Variants in ATXN7L1 observed in about 807,000 individuals in gnomAD.
ATXN7L1 encodes ataxin 7 like 1, also known as ataxin-7-like protein 1.
A neutral mutation model predicts 70.8 loss-of-function variants in ATXN7L1; 15 were observed. That is an observed-to-expected ratio of 0.21 (90% CI 0.14 to 0.33). The LOEUF (loss-of-function observed/expected upper bound fraction) is 0.33. Among genes scored for constraint, ATXN7L1 ranks in the 10% least tolerant of loss-of-function variants. ATXN7L1 has a pLI of 1.00. For missense variants in ATXN7L1, 975 were observed against 1,097.1 expected (o/e 0.89, Z 1.57); for synonymous variants, 440 against 445.1 (o/e 0.99, Z 0.14).
At chr7:105,710,785 G>T (rs1366047335) in intron 3 of ATXN7L1, among the ~76,000 whole-genome samples, 2 of 152,098 alleles carry the variant, frequency 1.3e-5, no homozygotes, top group African/African-American at 4.8e-5. Context: ...GATCTTGTGA[G>T]AACTCACTCA....
At chr7:105,849,792 G>A (rs1563142328) in intron 2 of ATXN7L1, among the ~76,000 whole-genome samples, 1 of 152,198 alleles carries the variant, frequency 6.6e-6, no homozygotes, top group Non-Finnish European at 1.5e-5. Context: ...TGAACTTAGA[G>A]GCAGATTAAG....
At chr7:105,669,943 A>G (rs988029047) in intron 3 of ATXN7L1, among the ~76,000 whole-genome samples, 19 of 150,900 alleles carry the variant, frequency 1.3e-4, no homozygotes, top group Admixed American at 2.0e-4. Flanking sequence ...AAAAAAAATT[A>G]AAGTGGAGGG....
intron 3 of ATXN7L1, among the ~76,000 whole-genome samples, chr7:105,759,514 G>T (rs1800282037): frequency 6.7e-6 from 1 of 150,210 alleles, no homozygotes; most frequent in Non-Finnish European, 1.5e-5. Context: ...CCTATCCCAG[G>T]TGGATGCTGG....
At chr7:105,776,151 C>G (rs1170756725) in intron 3 of ATXN7L1, among the ~76,000 whole-genome samples, 2 of 152,174 alleles carry the variant, frequency 1.3e-5, no homozygotes, top group Non-Finnish European at 2.9e-5. Flanking sequence ...TCGGTGGATA[C>G]AGCTCTGAGG....
At chr7:105,719,084 T>C (rs1327515970) in intron 3 of ATXN7L1, among the ~76,000 whole-genome samples, 1 of 152,154 alleles carries the variant, frequency 6.6e-6, no homozygotes, top group Non-Finnish European at 1.5e-5. Context: ...ACTGTACCTA[T>C]TAAAATGGAA....
Position 105,608,030 on chromosome 7 carries a change from T to C in ATXN7L1, c.2548-140A>G, listed in dbSNP as rs1792836112. On this transcript the variant is annotated intron_variant, in intron 11 of 11. Coordinates refer to ENST00000419735, the MANE Select transcript of ATXN7L1 (RefSeq NM_020725.2). ...CCTCCCATATCCAGCAAAGGGCAGC[T>C]GGAATAGCAAGAGATGATGGATCTA... 3.1e-5 allele frequency: 24 copies of C among 764,954 alleles called. 1 individual carries two copies. In the South Asian group the frequency reaches 3.8e-4, roughly 12 times the overall value. The allele number at this position is 764,954 out of a possible 1,614,324, so 47.4% of individuals were successfully genotyped here.
At chr7:105,735,281 G>GT (rs1458584534) in intron 3 of ATXN7L1, among the ~76,000 whole-genome samples, 7 of 151,560 alleles carry the variant, frequency 4.6e-5, no homozygotes, top group Non-Finnish European at 1.0e-4. Flanking sequence ...CACAAGAAGC[G>GT]TATCTACACT....
intron 4 of ATXN7L1, among the ~76,000 whole-genome samples, 178 bp downstream of exon 4, chr7:105,664,888 C>T (rs142273359): frequency 1.3e-3 from 195 of 152,146 alleles, no homozygotes; most frequent in South Asian, 3.9e-3. Context: ...CCCACATGCC[C>T]TCTAATATTT....
At chr7:105,866,560 G>A (rs1817505837) in intron 2 of ATXN7L1, among the ~76,000 whole-genome samples, 1 of 152,188 alleles carries the variant, frequency 6.6e-6, no homozygotes, top group East Asian at 1.9e-4. Flanking sequence ...GGGATTTCCT[G>A]AGGTTTCATC....
In ATXN7L1 at chr7:105,605,349, A is replaced by C. The variant is rs1792715202; in HGVS notation, c.*2503T>G. 2 of 152,250 alleles carry C rather than the reference A, an allele frequency of 1.3e-5. No homozygotes were observed. Among genetic ancestry groups the C allele is most frequent in the Non-Finnish European group, 2.9e-5 (2 of 68,008 alleles). The allele number at this position is 152,250 out of a possible 1,614,324, so 9.4% of individuals were successfully genotyped here. A position where few individuals can be genotyped will look rare whatever the true frequency, so the allele number is the denominator to read the frequency against. ...GCAAGTTTTTAATACATCATTGTAAAGTAAACCTGTGGTTGACTGCCAAGG... is the reference window on the plus strand; with the variant it reads ...GCAAGTTTTTAATACATCATTGTAACGTAAACCTGTGGTTGACTGCCAAGG... On this transcript the variant is annotated 3_prime_UTR_variant, in exon 12 of 12. Transcript: ENST00000419735.
At chr7:105,796,527 G>A (rs920656233) in intron 2 of ATXN7L1, among the ~76,000 whole-genome samples, 2 of 152,120 alleles carry the variant, frequency 1.3e-5, no homozygotes, top group African/African-American at 4.8e-5. Context: ...GCTGGTGGCT[G>A]ACAGTGGTTT....
intron 2 of ATXN7L1, among the ~76,000 whole-genome samples, chr7:105,835,561 C>T (rs1227494418): frequency 6.6e-6 from 1 of 152,126 alleles, no homozygotes; most frequent in African/African-American, 2.4e-5. Flanking sequence ...GTCTTTCAGC[C>T]TGAACTCCAG....
intron 2 of ATXN7L1, among the ~76,000 whole-genome samples, chr7:105,852,512 C>T (rs1403884737): frequency 6.6e-6 from 1 of 152,084 alleles, no homozygotes; most frequent in Non-Finnish European, 1.5e-5. Context: ...GAAAAAGGCA[C>T]CCTCTCTGGT....
chr7:105,695,001 A>G (rs953446491), intron 3 of ATXN7L1, among the ~76,000 whole-genome samples: 2 of 152,188 alleles, frequency 1.3e-5, no homozygotes, highest in Non-Finnish European at 1.5e-5. Context: ...AAATACAAAA[A>G]TTAGTTGGGC....
chr7:105,807,553 A>G (rs1218023886), intron 2 of ATXN7L1, among the ~76,000 whole-genome samples: 5 of 152,128 alleles, frequency 3.3e-5, no homozygotes, highest in Non-Finnish European at 5.9e-5. Flanking sequence ...CCCTTTTCAC[A>G]TTGATTCTGG....
intron 3 of ATXN7L1, among the ~76,000 whole-genome samples, chr7:105,782,923 T>C (rs1024388875): frequency 6.6e-6 from 1 of 152,214 alleles, no homozygotes; most frequent in African/African-American, 2.4e-5. Flanking sequence ...AGGAAGCACT[T>C]GACTGAATTG....
chr7:105,766,826 C>T (rs1426629396), intron 3 of ATXN7L1, among the ~76,000 whole-genome samples: 4 of 152,154 alleles, frequency 2.6e-5, no homozygotes, highest in African/African-American at 9.7e-5. Context: ...GGGTGTACAC[C>T]CAGGGGGAAC....
intron 3 of ATXN7L1, among the ~76,000 whole-genome samples, chr7:105,724,762 G>A (rs1432302568): frequency 1.4e-5 from 2 of 142,024 alleles, no homozygotes; most frequent in African/African-American, 5.2e-5. Context: ...CTTCGGCTTG[G>A]TCTTCACATG....
At chr7:105,869,158 C>T (rs1487804702) in intron 2 of ATXN7L1, among the ~76,000 whole-genome samples, 1 of 152,204 alleles carries the variant, frequency 6.6e-6, no homozygotes, top group Non-Finnish European at 1.5e-5. Flanking sequence ...CTCCCTACCA[C>T]CTTTAAGCCG....
Sources: gnomAD v4.1 joint callset for allele counts (sites outside exome capture counted in the v4.1 genomes callset) on GRCh38, gnomAD v4.1.1 for gene constraint, MANE v1.5 for transcripts, NCBI Gene and HGNC (gene_info 2026-07-23, HGNC 2026-07-21) for gene names.